The following GRAMD2B variants were observed in gnomAD, a reference collection of about 807,000 sequenced individuals.
GRAMD2B encodes GRAM domain-containing protein 2B.
A neutral mutation model predicts 59.2 loss-of-function variants in GRAMD2B; 41 were observed. The ratio of observed to expected loss-of-function variants is 0.69; its 90% confidence interval spans 0.54 to 0.90. The LOEUF (loss-of-function observed/expected upper bound fraction) is 0.90. Among genes scored for constraint, GRAMD2B ranks in the 40% least tolerant of loss-of-function variants. GRAMD2B has a pLI of 0.00. For missense variants in GRAMD2B, 424 were observed against 500.5 expected (o/e 0.85, Z 1.46); for synonymous variants, 161 against 182.7 (o/e 0.88, Z 0.96).
chr5:126,424,434 T>C (rs1319090709), intron 1 of GRAMD2B, among the ~76,000 whole-genome samples: 1 of 152,212 alleles, frequency 6.6e-6, no homozygotes, highest in Non-Finnish European at 1.5e-5. Flanking sequence ...TATCAGGATA[T>C]GAGTAATTTA....
chr5:126,462,097 G>T (rs909649742), intron 1 of GRAMD2B, among the ~76,000 whole-genome samples: 1 of 152,186 alleles, frequency 6.6e-6, no homozygotes, highest in African/African-American at 2.4e-5. Context: ...ACAGGGACAA[G>T]TCCAGTAAAT....
intron 1 of GRAMD2B, among the ~76,000 whole-genome samples, chr5:126,460,072 G>C (rs527286233): frequency 2.0e-5 from 3 of 152,238 alleles, no homozygotes; most frequent in Admixed American, 6.5e-5. Context: ...GTAACTTTAT[G>C]CAGTCATTAA....
exon 1 of GRAMD2B, chr5:126,360,432 T>C: frequency 1.3e-6 from 2 of 1,551,240 alleles, no homozygotes; most frequent in South Asian, 1.2e-5. Context: ...GGGAGAGAAG[T>C]GAAGCCAGTG....
rs546433955 is a variant in GRAMD2B, at chr5:126,484,606, C to G, written c.970+82C>G. On this transcript the variant is annotated intron_variant, in intron 10 of 13. Coordinates refer to ENST00000285689, the MANE Select transcript of GRAMD2B (RefSeq NM_023927.4). ...TAACTTTTTTTTTTTTTTTAGACAG[C>G]ATCTTGCTCTATCACCCAGGCTGCT... 3.7e-6 allele frequency: 5 copies of G among 1,354,916 alleles called. No individual in the cohort carries two copies. The South Asian group carries it at 6.0e-5, about 16-fold the overall frequency. The allele number at this position is 1,354,916 out of a possible 1,614,324, so 83.9% of individuals were successfully genotyped here.
chr5:126,444,943 C>A lies in GRAMD2B; in HGVS notation c.84-20483C>A, dbSNP rs117088516. 8.5e-4 allele frequency among the ~76,000 whole-genome samples: 130 copies of A among 152,242 alleles called. 1 individual carries two copies. The East Asian group carries it at 0.024, about 28-fold the overall frequency. On this transcript the variant is annotated intron_variant, in intron 1 of 13. Transcript: ENST00000285689. Reference sequence around the variant, plus strand: ...ACCTCCACTTAAGAGTGAGAACATACGGTGTTTGATTTTCTTTTCCTGCAT... The same window carrying A: ...ACCTCCACTTAAGAGTGAGAACATAAGGTGTTTGATTTTCTTTTCCTGCAT...
intron 1 of GRAMD2B, among the ~76,000 whole-genome samples, chr5:126,411,992 G>A (rs966273778): frequency 3.9e-5 from 6 of 151,968 alleles, no homozygotes; most frequent in Admixed American, 3.3e-4. Flanking sequence ...TCATTTTTAA[G>A]TTCCAGGAGT....
intron 1 of GRAMD2B, among the ~76,000 whole-genome samples, chr5:126,443,588 A>G (rs1037876047): frequency 6.6e-6 from 1 of 152,112 alleles, no homozygotes; most frequent in African/African-American, 2.4e-5. Context: ...TTGCCCAGTC[A>G]CCTTCTGCTC....
At chr5:126,475,956 A>G (rs1581215921) in intron 5 of GRAMD2B, among the ~76,000 whole-genome samples, 1 of 152,192 alleles carries the variant, frequency 6.6e-6, no homozygotes, top group East Asian at 1.9e-4. Flanking sequence ...TTAAAATACA[A>G]AATCAGCCAG....
At chr5:126,365,739 A>G (rs1003753784) in intron 1 of GRAMD2B, among the ~76,000 whole-genome samples, 2 of 152,062 alleles carry the variant, frequency 1.3e-5, no homozygotes, top group Non-Finnish European at 2.9e-5. Flanking sequence ...CGGTTTACCA[A>G]TGCATCACTG....
chr5:126,485,683 C>T lies in GRAMD2B; in HGVS notation c.971-3C>T, dbSNP rs893607696. ...CAGTTGTTTTTTGTTTTCCTCCCAA[C>T]AGGTCTGTCAGAAACTGTTGGAATC... is the stretch of plus-strand genomic sequence containing the variant. On this transcript the variant is annotated splice_region_variant and splice_polypyrimidine_tract_variant and intron_variant, in intron 10 of 13. Coordinates refer to ENST00000285689, the MANE Select transcript of GRAMD2B (RefSeq NM_023927.4). 15 of 1,603,806 alleles carry T rather than the reference C, an allele frequency of 9.4e-6. No individual in the cohort carries two copies. In the Admixed American group the frequency reaches 2.5e-4, roughly 27 times the overall value.
intron 1 of GRAMD2B, among the ~76,000 whole-genome samples, chr5:126,435,309 C>T (rs955475327): frequency 2.6e-5 from 4 of 152,154 alleles, no homozygotes; most frequent in South Asian, 2.1e-4. Context: ...CTGTTTGAAG[C>T]GAGGTTGATG....
chr5:126,474,179 A>G (rs1770138111), intron 5 of GRAMD2B, among the ~76,000 whole-genome samples: 1 of 152,218 alleles, frequency 6.6e-6, no homozygotes, highest in Non-Finnish European at 1.5e-5. Flanking sequence ...TTGGGTTTGC[A>G]TGACCTTAGT....
intron 6 of GRAMD2B, among the ~76,000 whole-genome samples, chr5:126,479,057 AGTG>A (rs374412761): frequency 8.5e-4 from 129 of 152,342 alleles, no homozygotes; most frequent in African/African-American, 3.0e-3. Context: ...TTTACATTAA[AGTG>A]GTGTCTATTT....
intron 1 of GRAMD2B, among the ~76,000 whole-genome samples, chr5:126,410,778 G>GT (rs1333132430): frequency 6.6e-6 from 1 of 151,878 alleles, no homozygotes; most frequent in African/African-American, 2.4e-5. Flanking sequence ...AGCATCTGTT[G>GT]TTTTTTGACT....
chr5:126,435,943 C>A (rs570532933), intron 1 of GRAMD2B, among the ~76,000 whole-genome samples: 82 of 152,324 alleles, frequency 5.4e-4, no homozygotes, highest in African/African-American at 1.9e-3. Context: ...TTGCATCAGA[C>A]AACCCTGCTT....
At chr5:126,416,230 C>A (rs1274696548) in intron 1 of GRAMD2B, among the ~76,000 whole-genome samples, 3 of 152,188 alleles carry the variant, frequency 2.0e-5, no homozygotes, top group African/African-American at 7.2e-5. Flanking sequence ...CTGGTAGAGG[C>A]ACTTGCACTC....
At chr5:126,461,933 G>A (rs1053991197) in intron 1 of GRAMD2B, among the ~76,000 whole-genome samples, 3 of 152,356 alleles carry the variant, frequency 2.0e-5, no homozygotes, top group Admixed American at 2.0e-4. Flanking sequence ...CATAACTGAT[G>A]CTTAAAGTGG....
intron 1 of GRAMD2B, among the ~76,000 whole-genome samples, chr5:126,414,586 C>G (rs1209240362): frequency 2.0e-5 from 3 of 152,106 alleles, no homozygotes; most frequent in Non-Finnish European, 4.4e-5. Flanking sequence ...TCTCAGCCTC[C>G]CAAATAGCTG....
intron 8 of GRAMD2B, chr5:126,480,964 G>A: frequency 1.9e-6 from 1 of 513,566 alleles, no homozygotes; most frequent in Non-Finnish European, 3.5e-6. Flanking sequence ...ACTGGTCAGT[G>A]AATGCATTCA....
Sources: allele counts gnomAD v4.1 joint callset (sites outside exome capture counted in the v4.1 genomes callset), GRCh38; gene constraint gnomAD v4.1.1; transcripts MANE v1.5; gene names NCBI Gene and HGNC (gene_info 2026-07-23, HGNC 2026-07-21).